Variants in LYRM4 observed in about 807,000 individuals in gnomAD.
LYRM4 encodes LYR motif-containing protein 4.
Under a neutral mutation model 11.7 loss-of-function variants are expected in LYRM4, and 9 were observed. That is an observed-to-expected ratio of 0.77 (90% CI 0.46 to 1.34). LYRM4 has a LOEUF of 1.34. Ranked by LOEUF, LYRM4 falls within the 40% of genes most tolerant of loss-of-function variation. The probability of loss-of-function intolerance (pLI) is 0.00; values close to 1 mark genes in which losing one functional copy is unlikely to be tolerated. For synonymous variants in LYRM4, 42 were observed against 40.4 expected (o/e 1.04, Z -0.15); for missense variants, 133 against 112.5 (o/e 1.18, Z -0.82).
chr6:5,108,296 C>T, downstream of LYRM4: 1 of 237,674 alleles, frequency 4.2e-6, no homozygotes, highest in Non-Finnish European at 6.8e-6. Context: ...ATCCACTGAG[C>T]ACTGTATGCA....
intron 1 of LYRM4, among the ~76,000 whole-genome samples, chr6:5,244,255 G>T (rs1405594557): frequency 6.6e-6 from 1 of 152,198 alleles, no homozygotes; most frequent in Non-Finnish European, 1.5e-5. Context: ...TGTATTCTAA[G>T]GGTAGTGTCC....
intron 2 of LYRM4, among the ~76,000 whole-genome samples, chr6:5,188,555 AC>A (rs1197855874): frequency 3.9e-5 from 6 of 152,306 alleles, no homozygotes; most frequent in African/African-American, 1.2e-4. Context: ...CATATCAAGT[AC>A]TGATTAAGAG....
At chr6:5,065,153 A>T in the LYRM4 span, among the ~76,000 whole-genome samples, 1 of 152,022 alleles carries the variant, frequency 6.6e-6, no homozygotes, top group Non-Finnish European at 1.5e-5. Context: ...CACTTAAGTC[A>T]TATGCACTTC....
At chr6:5,104,158 C>G (rs1278798124), downstream of LYRM4, 2 of 152,588 alleles carry the variant, frequency 1.3e-5, no homozygotes, top group Admixed American at 1.3e-4. Flanking sequence ...CTCCCCCCAC[C>G]AGCCCTCCTC....
intron 2 of LYRM4, among the ~76,000 whole-genome samples, chr6:5,191,838 A>T (rs958399543): frequency 6.6e-6 from 1 of 152,198 alleles, no homozygotes; most frequent in Non-Finnish European, 1.5e-5. Flanking sequence ...ATAATTGTAC[A>T]ATTGACATTA....
chr6:5,111,125 GT>G (rs1251579804), intron 2 of LYRM4, among the ~76,000 whole-genome samples: 2 of 152,168 alleles, frequency 1.3e-5, no homozygotes, highest in East Asian at 3.9e-4. Context: ...ATAGTACATG[GT>G]TTTGTTTTCA....
chr6:5,183,418 T>C (rs188459788), intron 2 of LYRM4, among the ~76,000 whole-genome samples: 1 of 152,300 alleles, frequency 6.6e-6, no homozygotes, highest in East Asian at 1.9e-4. Context: ...ATGTAGCATA[T>C]AAGCAATGCA....
intron 2 of LYRM4, among the ~76,000 whole-genome samples, chr6:5,210,813 G>A (rs1453382835): frequency 1.3e-5 from 2 of 152,036 alleles, no homozygotes; most frequent in South Asian, 2.1e-4. Flanking sequence ...AGTCCTCAAG[G>A]TTCATCCATA....
chr6:5,252,052 T>C (rs1219041963), intron 1 of LYRM4, among the ~76,000 whole-genome samples: 2 of 152,204 alleles, frequency 1.3e-5, no homozygotes, highest in African/African-American at 2.4e-5. Context: ...GTGTAGTACA[T>C]AGTAAGCGAG....
the LYRM4 span, among the ~76,000 whole-genome samples, chr6:5,047,814 T>C: frequency 3.9e-5 from 6 of 152,228 alleles, no homozygotes; most frequent in Non-Finnish European, 8.8e-5. Context: ...ACATGCTTGT[T>C]ACCTTATTAC....
rs1763288563 is a variant in LYRM4, at chr6:5,232,282, CA to C, written c.87-15545del. 2.6e-5 allele frequency among the ~76,000 whole-genome samples: 4 copies of C among 152,348 alleles called. No individual in the cohort carries two copies. The South Asian group carries it at 8.3e-4, about 32-fold the overall frequency. On this transcript the variant is annotated intron_variant, in intron 1 of 2. Coordinates refer to ENST00000330636, the MANE Select transcript of LYRM4 (RefSeq NM_020408.6). ...GGAACCTGGTCATCCCTATAACTTG[CA>C]ATCACTCTGCAGAGCTCTGAGGAAA...
the LYRM4 span, among the ~76,000 whole-genome samples, chr6:5,093,168 G>C: frequency 6.6e-6 from 1 of 152,208 alleles, no homozygotes; most frequent in African/African-American, 2.4e-5. Flanking sequence ...AGAATCCTGA[G>C]TTATTTTGGA....
intron 2 of LYRM4, among the ~76,000 whole-genome samples, chr6:5,166,536 T>C (rs1759096487): frequency 6.6e-6 from 1 of 152,242 alleles, no homozygotes; most frequent in Non-Finnish European, 1.5e-5. Context: ...CTACTTGTCC[T>C]ATTTGTTCTA....
chr6:5,257,098 C>T (rs1764713432), intron 1 of LYRM4, among the ~76,000 whole-genome samples: 1 of 152,164 alleles, frequency 6.6e-6, no homozygotes, highest in South Asian at 2.1e-4. Flanking sequence ...TCATCTTCTA[C>T]ACTGCTGCCA....
chr6:5,050,761 A>T, the LYRM4 span, among the ~76,000 whole-genome samples: 5 of 152,182 alleles, frequency 3.3e-5, no homozygotes, highest in Admixed American at 3.3e-4. Flanking sequence ...ATATTATAAG[A>T]TTCCAATGTC....
intron 2 of LYRM4, among the ~76,000 whole-genome samples, chr6:5,196,099 CAGAGAGTGGTA>C (rs1761036662): frequency 6.6e-6 from 1 of 152,144 alleles, no homozygotes. Context: ...GAAACTGGGA[CAGAGAGTGGTA>C]AGAGTCACTC....
At chr6:5,254,129 A>T (rs965175565) in intron 1 of LYRM4, among the ~76,000 whole-genome samples, 2 of 152,168 alleles carry the variant, frequency 1.3e-5, no homozygotes, top group Non-Finnish European at 2.9e-5. Flanking sequence ...TGCACTGAAA[A>T]CGGCAATGCC....
intron 2 of LYRM4, among the ~76,000 whole-genome samples, chr6:5,187,821 TTG>T (rs1760504925): frequency 1.2e-5 from 1 of 80,612 alleles, no homozygotes; most frequent in South Asian, 4.5e-4. Context: ...ACAATATATA[TTG>T]TGTTAGTGGA....
intron 1 of LYRM4, chr6:5,218,146 ATCC>A (rs1762383538): frequency 1.4e-6 from 1 of 696,380 alleles, no homozygotes; most frequent in South Asian, 6.4e-5. Flanking sequence ...GGCTCAAGCT[ATCC>A]TCCTGCCTTA....
Sources: allele counts gnomAD v4.1 joint callset (sites outside exome capture counted in the v4.1 genomes callset), GRCh38; gene constraint gnomAD v4.1.1; transcripts MANE v1.5; gene names NCBI Gene and HGNC (gene_info 2026-07-23, HGNC 2026-07-21).